The following GRIA1 variants were observed in gnomAD, a reference collection of about 807,000 sequenced individuals.
The protein encoded by GRIA1 is glutamate receptor 1.
A neutral mutation model predicts 99.2 loss-of-function variants in GRIA1; 31 were observed. The observed-to-expected ratio is 0.31, with a 90% CI of 0.23 to 0.42. The LOEUF (loss-of-function observed/expected upper bound fraction) is 0.42. GRIA1 is among the 10% of genes least tolerant of loss of function. The pLI, the probability that GRIA1 is intolerant of heterozygous loss-of-function variation, is 1.00. For synonymous variants in GRIA1, 438 were observed against 432.4 expected, an observed-to-expected ratio of 1.01 and a Z score of -0.16; for missense variants, 782 against 1,157.5, an observed-to-expected ratio of 0.68 and a Z score of 4.71.
chr5:153,596,953 C>T (rs771379889), intron 2 of GRIA1, among the ~76,000 whole-genome samples: 8 of 152,144 alleles, frequency 5.3e-5, no homozygotes, highest in Admixed American at 2.6e-4. Context: ...AAGAGGTGGA[C>T]GTAGGGTCTC....
At chr5:153,613,427 G>A (rs1031975560) in intron 2 of GRIA1, among the ~76,000 whole-genome samples, 1 of 151,564 alleles carries the variant, frequency 6.6e-6, no homozygotes, top group East Asian at 1.9e-4. Flanking sequence ...ACAAATACTT[G>A]CATAAGTCAT....
intron 13 of GRIA1, among the ~76,000 whole-genome samples, chr5:153,788,495 C>T (rs907470902): frequency 6.6e-6 from 1 of 152,178 alleles, no homozygotes; most frequent in Non-Finnish European, 1.5e-5. Context: ...GAGTCCCTGC[C>T]AGCCTCTCCA....
chr5:153,517,969 G>A (rs1331982629), intron 2 of GRIA1, among the ~76,000 whole-genome samples: 1 of 152,178 alleles, frequency 6.6e-6, no homozygotes, highest in Admixed American at 6.5e-5. Flanking sequence ...TCATGTAACT[G>A]GATTTCAGCC....
intron 5 of GRIA1, among the ~76,000 whole-genome samples, chr5:153,670,722 C>G (rs904229527): frequency 6.6e-6 from 1 of 151,894 alleles, no homozygotes; most frequent in African/African-American, 2.4e-5. Flanking sequence ...TTTAATTAAA[C>G]CTTATTTAAT....
intron 2 of GRIA1, among the ~76,000 whole-genome samples, chr5:153,496,050 G>A (rs1754386649): frequency 6.6e-6 from 1 of 152,234 alleles, no homozygotes; most frequent in South Asian, 2.1e-4. Flanking sequence ...TTGGTTGAAA[G>A]AGATGTGAAC....
intron 5 of GRIA1, among the ~76,000 whole-genome samples, chr5:153,667,210 C>T (rs546784199): frequency 1.3e-5 from 2 of 152,270 alleles, no homozygotes; most frequent in African/African-American, 4.8e-5. Flanking sequence ...GTGCTCTTTC[C>T]AGTGTCCCAG....
intron 11 of GRIA1, among the ~76,000 whole-genome samples, chr5:153,732,465 CT>C (rs1485245864): frequency 1.3e-5 from 2 of 152,054 alleles, no homozygotes; most frequent in African/African-American, 4.8e-5. Flanking sequence ...TAGCTTTTCC[CT>C]GTTGACTAGT....
chr5:153,515,404 T>C (rs1756516962), intron 2 of GRIA1, among the ~76,000 whole-genome samples: 2 of 152,180 alleles, frequency 1.3e-5, no homozygotes, highest in South Asian at 2.1e-4. Context: ...ATGATCTCAT[T>C]CATATGTGAA....
At chr5:153,802,736 G>C (rs1206588450) in intron 15 of GRIA1, among the ~76,000 whole-genome samples, 1 of 152,200 alleles carries the variant, frequency 6.6e-6, no homozygotes, top group Non-Finnish European at 1.5e-5. Flanking sequence ...AGTGGGGTCA[G>C]TGAGATTGAA....
chr5:153,563,166 C>T (rs1761296040), intron 2 of GRIA1, among the ~76,000 whole-genome samples: 1 of 147,170 alleles, frequency 6.8e-6, no homozygotes, highest in South Asian at 2.2e-4. Context: ...CAGAGCGAGA[C>T]TCTGTCTCAA....
chr5:153,540,107 T>A (rs981786711), intron 2 of GRIA1, among the ~76,000 whole-genome samples: 1 of 152,148 alleles, frequency 6.6e-6, no homozygotes, highest in African/African-American at 2.4e-5. Flanking sequence ...GGGTGCATTG[T>A]CCCCTCTGGA....
In GRIA1 at chr5:153,537,390, C is replaced by T. The variant is rs35301723; in HGVS notation, c.220+43325C>T. Reference sequence around the variant, plus strand: ...TAGCGAAGGGCCCCGTGGAGCTTGGCTGGTGAGAGCATTCTTCATTCTCCG... The same window carrying T: ...TAGCGAAGGGCCCCGTGGAGCTTGGTTGGTGAGAGCATTCTTCATTCTCCG... On this transcript the variant is annotated intron_variant, in intron 2 of 15. Coordinates refer to ENST00000285900, the MANE Select transcript of GRIA1 (RefSeq NM_000827.4). 7.7e-4 allele frequency among the ~76,000 whole-genome samples: 118 copies of T among 152,258 alleles called. 1 individual carries two copies. The highest frequency in any genetic ancestry group is 1.3e-3 in the Non-Finnish European group (88 of 68,010).
At chr5:153,729,893 G>A (rs1372374521) in intron 11 of GRIA1, among the ~76,000 whole-genome samples, 1 of 152,102 alleles carries the variant, frequency 6.6e-6, no homozygotes, top group Non-Finnish European at 1.5e-5. Flanking sequence ...ACTAAGAACT[G>A]AACTAGGTGA....
intron 11 of GRIA1, among the ~76,000 whole-genome samples, chr5:153,747,634 C>T (rs997301678): frequency 6.6e-6 from 1 of 152,188 alleles, no homozygotes; most frequent in Non-Finnish European, 1.5e-5. Context: ...ACATTCTTGT[C>T]CAAGCTTCCA....
At chr5:153,704,031 A>G (rs1299766224) in intron 10 of GRIA1, among the ~76,000 whole-genome samples, 2 of 152,226 alleles carry the variant, frequency 1.3e-5, no homozygotes, top group South Asian at 2.1e-4. Flanking sequence ...AGGGGAAAAA[A>G]CAGAATTGCT....
chr5:153,543,667 A>G (rs1759344269), intron 2 of GRIA1, among the ~76,000 whole-genome samples: 1 of 152,188 alleles, frequency 6.6e-6, no homozygotes, highest in Non-Finnish European at 1.5e-5. Context: ...GAAAATAGAG[A>G]TAATTCTAGC....
intron 2 of GRIA1, among the ~76,000 whole-genome samples, chr5:153,531,217 C>T (rs1758068430): frequency 6.6e-6 from 1 of 152,126 alleles, no homozygotes. Flanking sequence ...GAAAGGAAGC[C>T]CACATGGGGG....
chr5:153,537,255 G>A (rs1758665931), intron 2 of GRIA1, among the ~76,000 whole-genome samples: 2 of 152,130 alleles, frequency 1.3e-5, no homozygotes, highest in South Asian at 2.1e-4. Flanking sequence ...GATCATAAAC[G>A]CACTTTGCAA....
chr5:153,810,994 C>T (rs751213864), intron 15 of GRIA1, 31 bp from the exon 16 acceptor site: 6 of 1,564,302 alleles, frequency 3.8e-6, no homozygotes, highest in South Asian at 1.1e-5. Flanking sequence ...TGCCAAGGAC[C>T]CGGGGAAGAA....
Sources: allele counts gnomAD v4.1 joint callset (sites outside exome capture counted in the v4.1 genomes callset), GRCh38; gene constraint gnomAD v4.1.1; transcripts MANE v1.5; gene names NCBI Gene and HGNC (gene_info 2026-07-23, HGNC 2026-07-21).